C12orf56: variants seen among roughly 807,000 people sequenced by gnomAD.
The protein encoded by C12orf56 is uncharacterized protein C12orf56.
A neutral mutation model predicts 69.9 loss-of-function variants in C12orf56; 71 were observed. The observed-to-expected ratio is 1.02, with a 90% CI of 0.84 to 1.24. The LOEUF (loss-of-function observed/expected upper bound fraction) is 1.24, where lower values mean the gene tolerates loss of function less well. Among genes scored for constraint, C12orf56 ranks in the 50% most tolerant of loss-of-function variants. The pLI is 0.00. For missense variants in C12orf56, 732 were observed against 738.5 expected, an observed-to-expected ratio of 0.99 and a Z score of 0.10; for synonymous variants, 276 against 274.1, an observed-to-expected ratio of 1.01 and a Z score of -0.07.
chr12:64,296,207 G>T (rs2038362654), intron 6 of C12orf56, among the ~76,000 whole-genome samples: 1 of 152,178 alleles, frequency 6.6e-6, no homozygotes, highest in Admixed American at 6.5e-5. Flanking sequence ...GAGCAACCTA[G>T]AAAAAGCCTA....
chr12:64,338,553 G>A, intron 2 of C12orf56: 3 of 1,469,496 alleles, frequency 2.0e-6, no homozygotes, highest in Non-Finnish European at 1.9e-6. Context: ...AGGACTTTGA[G>A]TCTTGCTTGA....
At chr12:64,287,243 CAA>C (rs534894017) in intron 6 of C12orf56, among the ~76,000 whole-genome samples, 37,472 of 96,028 alleles carry the variant, frequency 0.39, 6,136 homozygotes, top group Middle Eastern at 0.43. Context: ...GAGACTCCAT[CAA>C]AAAAAAAAAA....
At chr12:64,332,704 G>A (rs80038763) in intron 2 of C12orf56, among the ~76,000 whole-genome samples, 314 of 152,294 alleles carry the variant, frequency 2.1e-3, no homozygotes, top group Admixed American at 5.2e-3. Context: ...GGGTCTAGAG[G>A]TGGACTGCTG....
intron 11 of C12orf56, among the ~76,000 whole-genome samples, chr12:64,274,417 T>C (rs2038025901): frequency 6.6e-6 from 1 of 152,118 alleles, no homozygotes; most frequent in Non-Finnish European, 1.5e-5. Context: ...GGGATGACAA[T>C]CAGATTTTTA....
chr12:64,294,877 AAAAAAAAATCATATGAAG>A (rs1488089857), intron 6 of C12orf56, among the ~76,000 whole-genome samples: 2 of 148,700 alleles, frequency 1.3e-5, no homozygotes, highest in Non-Finnish European at 3.0e-5. Flanking sequence ...TTTAAAAATG[AAAAAAAAATCATATGAAG>A]AAAAAAAAAT....
chr12:64,329,648 G>A (rs2038902185), intron 3 of C12orf56, among the ~76,000 whole-genome samples: 1 of 145,956 alleles, frequency 6.9e-6, no homozygotes, highest in South Asian at 2.2e-4. Flanking sequence ...CTAGCATTAG[G>A]TATATCTCCC....
At chr12:64,284,397 G>A (rs1398179551) in intron 8 of C12orf56, among the ~76,000 whole-genome samples, 1 of 152,154 alleles carries the variant, frequency 6.6e-6, no homozygotes. Flanking sequence ...GGGTCATTTG[G>A]TCTTTTTCAA....
intron 11 of C12orf56, among the ~76,000 whole-genome samples, chr12:64,273,754 A>T (rs1280399066): frequency 1.3e-5 from 2 of 152,184 alleles, no homozygotes; most frequent in Non-Finnish European, 2.9e-5. Context: ...TGCTATGCCG[A>T]AGGAAAAGAG....
rs199927015 is a variant in C12orf56, at chr12:64,279,280, G to A, written c.1311-1477C>T. Among the ~76,000 whole-genome samples, 25 of 152,242 alleles carry A rather than the reference G, an allele frequency of 1.6e-4. No homozygotes were observed. In the East Asian group the frequency reaches 4.2e-3, roughly 26 times the overall value. ...AACCTCAGTTATTTTACTTTCCAAT[G>A]TGGGGTACCGTCCATTGATAACTCA... On this transcript the variant is annotated intron_variant, in intron 8 of 12. Coordinates refer to ENST00000543942, the MANE Select transcript of C12orf56 (RefSeq NM_001170633.2).
chr12:64,283,238 G>A (rs959132301), intron 8 of C12orf56, among the ~76,000 whole-genome samples: 2 of 152,174 alleles, frequency 1.3e-5, no homozygotes, highest in African/African-American at 4.8e-5. Flanking sequence ...CAGCTACTTG[G>A]GAGGCTGAGT....
intron 12 of C12orf56, among the ~76,000 whole-genome samples, chr12:64,269,212 T>A (rs2037951752): frequency 6.6e-6 from 1 of 152,106 alleles, no homozygotes; most frequent in Admixed American, 6.5e-5. Flanking sequence ...GTAATTTATG[T>A]CTCCACATCC....
intron 4 of C12orf56, 71 bp downstream of exon 4, chr12:64,318,504 G>T (rs2038718210): frequency 4.6e-6 from 6 of 1,310,502 alleles, no homozygotes; most frequent in Non-Finnish European, 5.1e-6. Flanking sequence ...AAAGGAGGGA[G>T]GAGGGCTTGT....
intron 5 of C12orf56, among the ~76,000 whole-genome samples, chr12:64,308,905 A>AAAGG (rs2038555964): frequency 1.5e-5 from 1 of 65,354 alleles, no homozygotes; most frequent in Non-Finnish European, 3.0e-5. Flanking sequence ...AGAAAGAAAG[A>AAAGG]AAGAAAGAAA....
At chr12:64,352,507 G>A (rs1185071876) in intron 2 of C12orf56, 1 of 155,510 alleles carries the variant, frequency 6.4e-6, no homozygotes, top group Admixed American at 6.5e-5. Flanking sequence ...AAGGGAACCT[G>A]CCCAGGGTCT....
At chr12:64,379,822 G>A (rs1488226206) in intron 1 of C12orf56, among the ~76,000 whole-genome samples, 1 of 149,418 alleles carries the variant, frequency 6.7e-6, no homozygotes. Context: ...AGTGGCTCAC[G>A]CCTGTAATCC....
chr12:64,330,223 C>T (rs2038911938), intron 3 of C12orf56, among the ~76,000 whole-genome samples: 1 of 152,196 alleles, frequency 6.6e-6, no homozygotes, highest in South Asian at 2.1e-4. Flanking sequence ...ATGGCCAAAA[C>T]TTTCCATAGT....
chr12:64,270,983 T>C (rs1021300534), intron 11 of C12orf56, among the ~76,000 whole-genome samples: 2 of 151,640 alleles, frequency 1.3e-5, no homozygotes, highest in African/African-American at 4.9e-5. Flanking sequence ...CTGACCAACA[T>C]GGTGGAACCC....
intron 2 of C12orf56, among the ~76,000 whole-genome samples, chr12:64,344,067 T>A (rs1441884887): frequency 6.6e-6 from 1 of 152,186 alleles, no homozygotes; most frequent in Non-Finnish European, 1.5e-5. Flanking sequence ...ACCACAGTGA[T>A]GTCTTGGGTC....
intron 1 of C12orf56, among the ~76,000 whole-genome samples, chr12:64,372,395 T>G (rs897994715): frequency 6.6e-6 from 1 of 152,214 alleles, no homozygotes; most frequent in African/African-American, 2.4e-5. Flanking sequence ...TTGAAAGTAT[T>G]CCATGGCAAT....
Sources: gnomAD v4.1 joint callset for allele counts (sites outside exome capture counted in the v4.1 genomes callset) on GRCh38, gnomAD v4.1.1 for gene constraint, MANE v1.5 for transcripts, NCBI Gene and HGNC (gene_info 2026-07-23, HGNC 2026-07-21) for gene names.